Variants in CSPP1 observed in about 807,000 individuals in gnomAD.
CSPP1 encodes the protein centrosome and spindle pole associated protein 1, also known as centrosome and spindle pole-associated protein 1.
In CSPP1, 126 loss-of-function variants were observed where a neutral mutation model predicts 164.4. The observed-to-expected ratio is 0.77, with a 90% confidence interval of 0.66 to 0.89. CSPP1 has a LOEUF of 0.89. Ranked by LOEUF, CSPP1 falls within the 40% of genes least tolerant of loss-of-function variation. The pLI, the probability that CSPP1 is intolerant of heterozygous loss-of-function variation, is 0.00. For missense variants in CSPP1, 1,395 were observed against 1,449.8 expected (o/e 0.96, Z 0.61); for synonymous variants, 472 against 476.7 (o/e 0.99, Z 0.13).
At chr8:67,098,593 TTA>T (rs201836080) in intron 7 of CSPP1, among the ~76,000 whole-genome samples, 5,171 of 152,050 alleles carry the variant, frequency 0.034, 140 homozygotes, top group Non-Finnish European at 0.054. Context: ...TGTGTGTTGT[TTA>T]TTTATGCATA....
In CSPP1 at chr8:67,143,996, G is replaced by A. The variant is rs138024758; in HGVS notation, c.1976-5787G>A. Reference sequence around the variant, plus strand: ...AGTACAGTGTTAAGAATTCATGAGCGCAGACATCCTTGTCTTGTCTCTGAT... The same window carrying A: ...AGTACAGTGTTAAGAATTCATGAGCACAGACATCCTTGTCTTGTCTCTGAT... On this transcript the variant is annotated intron_variant, in intron 17 of 30. Transcript: ENST00000678616. Among the ~76,000 whole-genome samples the A allele has an allele frequency of 7.8e-4, 118 of 152,218 alleles. 1 individual carries two copies. Among genetic ancestry groups the A allele is most frequent in the African/African-American group, 2.6e-3 (110 of 41,538 alleles).
At chr8:67,124,931 C>T (rs923944708) in intron 15 of CSPP1, among the ~76,000 whole-genome samples, 2 of 152,114 alleles carry the variant, frequency 1.3e-5, no homozygotes, top group African/African-American at 2.4e-5. Context: ...CCTTGGTCTC[C>T]CAAAGTGCTG....
In CSPP1 at chr8:67,064,527, G is replaced by T. The variant is rs754938011; in HGVS notation, c.-22G>T. 6.2e-7 allele frequency: 1 copy of T among 1,610,846 alleles called. No homozygotes were observed. The highest frequency in any genetic ancestry group is 8.5e-7 in the Non-Finnish European group (1 of 1,179,000). ...AGTCAGCCAGCCGCGGATGGGGAGC[G>T]TGAGTGGCGAGGTGTGGCCTGGGGT... On this transcript the variant is annotated 5_prime_UTR_variant, in exon 1 of 31. Transcript: ENST00000678616.
chr8:67,076,873 GAGAGA>G (rs1236490346), intron 3 of CSPP1, among the ~76,000 whole-genome samples: 1 of 152,192 alleles, frequency 6.6e-6, no homozygotes, highest in Non-Finnish European at 1.5e-5. Flanking sequence ...GTGAGAGAGA[GAGAGA>G]AGAGAAACTT....
chr8:67,072,139 A>G (rs1310800455), intron 1 of CSPP1, among the ~76,000 whole-genome samples: 1 of 152,078 alleles, frequency 6.6e-6, no homozygotes, highest in East Asian at 1.9e-4. Context: ...AAAAAATACA[A>G]AAAATTAGCC....
intron 22 of CSPP1, among the ~76,000 whole-genome samples, chr8:67,163,148 A>T (rs1028621126): frequency 3.9e-5 from 6 of 152,208 alleles, no homozygotes; most frequent in African/African-American, 1.2e-4. Flanking sequence ...CTTGGGGGTC[A>T]CTTGATGACT....
chr8:67,187,369 T>C (rs900462819), intron 28 of CSPP1, among the ~76,000 whole-genome samples: 1 of 152,070 alleles, frequency 6.6e-6, no homozygotes, highest in East Asian at 1.9e-4. Context: ...AACAGACAAA[T>C]AGACCAGTTG....
Position 67,082,974 on chromosome 8 carries a change from T to C in CSPP1, c.200-3033T>C, listed in dbSNP as rs116694021. On this transcript the variant is annotated intron_variant, in intron 3 of 30. Transcript: ENST00000678616. ...CAATTGAGATGCTATTGTTAATGCA[T>C]GGTTTAAAAGAATAGGATATTTACA... is the stretch of plus-strand genomic sequence containing the variant. Among the ~76,000 whole-genome samples, 639 of 152,334 alleles carry C rather than the reference T, an allele frequency of 4.2e-3. 4 individuals are homozygous for C. The highest frequency in any genetic ancestry group is 0.014 in the African/African-American group (590 of 41,568).
intron 17 of CSPP1, among the ~76,000 whole-genome samples, chr8:67,141,833 G>A (rs1823575175): frequency 6.6e-6 from 1 of 152,202 alleles, no homozygotes; most frequent in Non-Finnish European, 1.5e-5. Flanking sequence ...ACATTTTAGA[G>A]AAGGCGGGAA....
rs371681100 is a variant in CSPP1, at chr8:67,179,863, C to T, written c.3157C>T (p.Pro1053Ser). Residue 1053 changes from proline (P) to serine (S), a missense_variant and splice_region_variant, in exon 28 of 31, where the codon CCC becomes TCC. Physicochemically the swap from Pro to Ser is moderately conservative, Grantham distance 74. Coordinates refer to ENST00000678616, the MANE Select transcript of CSPP1 (RefSeq NM_001382391.1). ...AGTCATTGAAACATGTTTCTTTTAG[C>T]CCAGAGATGACACTAGTGATTTCTT... The part of the protein sequence containing the change: ...PSAKVREQRM[P>S]RDDTSDFLKN... The T allele has an allele frequency of 1.3e-4, 203 of 1,589,478 alleles. No homozygotes were observed. Among genetic ancestry groups the T allele is most frequent in the Non-Finnish European group, 1.7e-4 (194 of 1,159,882 alleles).
chr8:67,195,399 G>A lies in CSPP1; in HGVS notation c.3487G>A (p.Val1163Ile), dbSNP rs1414800888. The A allele has an allele frequency of 6.2e-7, 1 of 1,613,896 alleles. No homozygotes were observed. Reference protein sequence around the residue: ...PINTDDESSLVDPDDIMKHIG... With the variant: ...PINTDDESSLIDPDDIMKHIG... ...TCCTGTAGATGATGAGAGTTCACTG[G>A]TTGACCCTGATGACATCATGAAACA... The change falls in exon 31 of 31, where the codon GTT (valine) becomes ATT (isoleucine). Residue 1163 changes from valine to isoleucine, a missense_variant. Val to Ile is a conservative substitution (Grantham distance 29, BLOSUM62 3). Transcript: ENST00000678616.
intron 17 of CSPP1, among the ~76,000 whole-genome samples, chr8:67,147,160 C>T (rs184233692): frequency 2.0e-5 from 3 of 152,206 alleles, no homozygotes; most frequent in Admixed American, 2.0e-4. Context: ...AATGTGTTAT[C>T]GAAGTTTGCT....
At chr8:67,065,552 C>A in intron 1 of CSPP1, 1 of 971,110 alleles carries the variant, frequency 1.0e-6, no homozygotes, top group Non-Finnish European at 1.2e-6. Flanking sequence ...TTTCTTTTCT[C>A]CATATCATTC....
At chr8:67,116,482 A>G (rs1817959228) in intron 13 of CSPP1, among the ~76,000 whole-genome samples, 1 of 152,090 alleles carries the variant, frequency 6.6e-6, no homozygotes. Flanking sequence ...TGAATTCTTC[A>G]ATTTGTGCAG....
intron 3 of CSPP1, 41 bp downstream of exon 3, chr8:67,076,622 T>C (rs1031564673): frequency 4.7e-6 from 5 of 1,069,428 alleles, no homozygotes; most frequent in Admixed American, 4.8e-5. Flanking sequence ...AAGATATCCT[T>C]AGTGGGCTCT....
intron 17 of CSPP1, among the ~76,000 whole-genome samples, chr8:67,148,498 A>G (rs961842265): frequency 1.3e-5 from 2 of 152,080 alleles, no homozygotes; most frequent in African/African-American, 2.4e-5. Flanking sequence ...ACTTATCTTC[A>G]TCTGTGAAGC....
intron 7 of CSPP1, among the ~76,000 whole-genome samples, chr8:67,098,679 A>G (rs948609496): frequency 2.0e-5 from 3 of 152,016 alleles, no homozygotes; most frequent in Admixed American, 6.5e-5. Flanking sequence ...GTCTTAAGAT[A>G]CTTTGAAATT....
At chr8:67,112,873 G>A (rs955424496) in intron 10 of CSPP1, among the ~76,000 whole-genome samples, 1 of 152,164 alleles carries the variant, frequency 6.6e-6, no homozygotes, top group African/African-American at 2.4e-5. Context: ...ATCATTGTTT[G>A]TAGTCTTTCT....
intron 15 of CSPP1, 46 bp downstream of exon 15, chr8:67,118,867 G>T (rs762105698): frequency 2.9e-5 from 38 of 1,302,056 alleles, no homozygotes; most frequent in Middle Eastern, 1.8e-4. Flanking sequence ...CTTTTATTTT[G>T]TTAAGATACA....
Sources: allele counts gnomAD v4.1 joint callset (sites outside exome capture counted in the v4.1 genomes callset), GRCh38; gene constraint gnomAD v4.1.1; transcripts MANE v1.5; gene names NCBI Gene and HGNC (gene_info 2026-07-23, HGNC 2026-07-21).